The following ZNF605 variants were observed in gnomAD, a reference collection of about 807,000 sequenced individuals.
The protein encoded by ZNF605 is zinc finger protein 605.
In ZNF605, 9 loss-of-function variants were observed where a neutral mutation model predicts 7.9. The ratio of observed to expected loss-of-function variants is 1.14; its 90% CI spans 0.68 to 1.98. The LOEUF (loss-of-function observed/expected upper bound fraction) is 1.98. Among genes scored for constraint, ZNF605 ranks in the 30% most tolerant of loss-of-function variants. The probability of loss-of-function intolerance (pLI) is 0.00; values close to 1 mark genes in which losing one functional copy is unlikely to be tolerated. For synonymous variants in ZNF605, 255 were observed against 260.1 expected (o/e 0.98, Z 0.19); for missense variants, 673 against 762.4 (o/e 0.88, Z 1.38).
chr12:132,925,626 T>C lies in ZNF605; in HGVS notation c.1673A>G (p.Glu558Gly). The C allele has an allele frequency of 6.2e-7, 1 of 1,614,212 alleles. No individual in the cohort carries two copies. Among genetic ancestry groups the C allele is most frequent in the Non-Finnish European group, 8.5e-7 (1 of 1,180,042 alleles). ...ACAATCGCTGCATCCATAGGTTTTC[T>C]CTCCTGTGTGATTTCTTTGATGCTT... ...LIKHQRNHTG[E>G]KTYGCSDCAK... Residue 558 changes from glutamate (E) to glycine (G), a missense_variant, in exon 5 of 5, where the codon GAG (glutamate) becomes GGG (glycine). Physicochemically the swap from Glu to Gly is moderately conservative, Grantham distance 98. Transcript: ENST00000360187.
At chr12:132,940,811 G>A (rs1470296100) in intron 3 of ZNF605, among the ~76,000 whole-genome samples, 21 of 152,194 alleles carry the variant, frequency 1.4e-4, no homozygotes, top group African/African-American at 5.1e-4. Flanking sequence ...GGTTTACTGC[G>A]TAATGCTGAG....
Position 132,945,757 on chromosome 12 carries a change from T to C in ZNF605, c.-122A>G. 2 of 1,391,540 alleles carry C rather than the reference T, an allele frequency of 1.4e-6. No homozygotes were observed. Among genetic ancestry groups the C allele is most frequent in the South Asian group, 1.2e-5 (1 of 86,434 alleles). 86.2% of individuals were successfully genotyped at this position (1,391,540 alleles called of 1,614,324 possible). ...ATCCTTGGTCTTGTGGGCTCTTCTT[T>C]CTTATCTCACATGAATTGTCTTGTT... On this transcript the variant is annotated 5_prime_UTR_variant, in exon 3 of 5. Transcript: ENST00000360187.
chr12:132,939,627 A>G (rs1304974365), intron 3 of ZNF605, among the ~76,000 whole-genome samples: 39 of 152,198 alleles, frequency 2.6e-4, no homozygotes, highest in Middle Eastern at 6.8e-3. Flanking sequence ...AAAACAGGCC[A>G]CTCGGCTCTA....
chr12:132,942,564 C>T (rs1479147595), intron 3 of ZNF605, among the ~76,000 whole-genome samples: 2 of 152,224 alleles, frequency 1.3e-5, no homozygotes, highest in Admixed American at 6.5e-5. Context: ...AGAGGCCCGA[C>T]GATGGGAAGC....
chr12:132,937,334 G>C (rs1334235850), intron 3 of ZNF605, among the ~76,000 whole-genome samples: 1 of 143,140 alleles, frequency 7.0e-6, no homozygotes, highest in African/African-American at 2.6e-5. Flanking sequence ...ACTCCAGCCT[G>C]GGCGACAAGA....
At chr12:132,954,719 G>A in intron 1 of ZNF605, among the ~76,000 whole-genome samples, 1 of 151,654 alleles carries the variant, frequency 6.6e-6, no homozygotes, top group Non-Finnish European at 1.5e-5. Context: ...AGCATTCACT[G>A]ACATTCCCAC....
chr12:132,925,952 A>G lies in ZNF605; in HGVS notation c.1347T>C (p.Tyr449=). ...HHRTHTGEKP[Y]ECSECGKAFT... ...AGGCCTTCCCACACTCACTGCATTCATAAGGCTTCTCCCCAGTGTGTGTTC... is the reference window on the plus strand; with the variant it reads ...AGGCCTTCCCACACTCACTGCATTCGTAAGGCTTCTCCCCAGTGTGTGTTC... Residue 449 remains tyrosine (Y), a synonymous_variant, in exon 5 of 5, where the codon TAT becomes TAC. Transcript: ENST00000360187. The G allele has an allele frequency of 1.9e-6, 3 of 1,613,832 alleles. No homozygotes were observed. The highest frequency in any genetic ancestry group is 1.7e-6 in the Non-Finnish European group (2 of 1,179,916).
In ZNF605 at chr12:132,950,333, G is replaced by A. The variant is rs1220351311; in HGVS notation, c.-285-2063C>T. ...ATCCCTCTGCTCTCACATTCACACC[G>A]AAACTCTCACCCCACACACACTGAT... On this transcript the variant is annotated intron_variant, in intron 1 of 4. Coordinates refer to ENST00000360187, the MANE Select transcript of ZNF605 (RefSeq NM_183238.4). 6.6e-5 allele frequency among the ~76,000 whole-genome samples: 10 copies of A among 152,104 alleles called. No individual in the cohort carries two copies. The South Asian group carries it at 8.3e-4, about 13-fold the overall frequency.
chr12:132,950,587 CTG>C (rs1952548075), intron 1 of ZNF605, among the ~76,000 whole-genome samples: 1 of 151,642 alleles, frequency 6.6e-6, no homozygotes, highest in African/African-American at 2.4e-5. Context: ...TGCACACACA[CTG>C]ATGCACACGT....
At position 132,935,845 on chromosome 12, in the gene ZNF605, A is replaced by G. The variant is rs1408984417; in HGVS notation, c.16-2690T>C. On this transcript the variant is annotated intron_variant, in intron 3 of 4. Coordinates refer to ENST00000360187, the MANE Select transcript of ZNF605 (RefSeq NM_183238.4). ...GAGGCGGAGGTTGCAATGAGCAGAGATCGTACCACTGGACTCCAGCCTGGG... is the reference window on the plus strand; with the variant it reads ...GAGGCGGAGGTTGCAATGAGCAGAGGTCGTACCACTGGACTCCAGCCTGGG... 2.1e-5 allele frequency among the ~76,000 whole-genome samples: 3 copies of G among 143,480 alleles called. No individual in the cohort carries two copies. The East Asian group carries it at 6.1e-4, about 29-fold the overall frequency. The allele number at this position is 143,480 out of a possible 152,430, so 94.1% of individuals were successfully genotyped here. A position where few individuals can be genotyped will look rare whatever the true frequency, so the allele number is the denominator to read the frequency against.
Position 132,933,243 on chromosome 12 carries a change from C to T in ZNF605, c.16-88G>A, listed in dbSNP as rs1952324300. The T allele has an allele frequency of 6.9e-7, 1 of 1,440,694 alleles. No homozygotes were observed. Among genetic ancestry groups the T allele is most frequent in the Non-Finnish European group, 9.3e-7 (1 of 1,072,210 alleles). The allele number at this position is 1,440,694 out of a possible 1,614,324, so 89.2% of individuals were successfully genotyped here. ...CTTCTGTATTTGTGGTAGGTGGCCT[C>T]TAAGATGGCCCCAGTGACCTCTGAC... On this transcript the variant is annotated intron_variant, in intron 3 of 4. Transcript: ENST00000360187. This position sits in a 1 kb window ranked among gnomAD's most constrained non-coding sequence, Gnocchi z 4.4.
intron 3 of ZNF605, among the ~76,000 whole-genome samples, chr12:132,938,705 C>G (rs1952394250): frequency 6.6e-6 from 1 of 152,200 alleles, no homozygotes; most frequent in Non-Finnish European, 1.5e-5. Flanking sequence ...CCTTTCTGGG[C>G]TGGCCAAGGC....
intron 3 of ZNF605, among the ~76,000 whole-genome samples, chr12:132,943,561 A>C (rs1472468869): frequency 6.6e-6 from 1 of 151,878 alleles, no homozygotes; most frequent in Admixed American, 6.6e-5. Flanking sequence ...AGGCACCTGC[A>C]CTCCAGTCTC....
At chr12:132,951,466 A>G (rs1952565299) in intron 1 of ZNF605, among the ~76,000 whole-genome samples, 1 of 145,988 alleles carries the variant, frequency 6.8e-6, no homozygotes, top group Non-Finnish European at 1.5e-5. Context: ...ACACTCAGAC[A>G]TGCACGCAGA....
chr12:132,928,021 G>A (rs1952266107), intron 4 of ZNF605, among the ~76,000 whole-genome samples: 5 of 152,284 alleles, frequency 3.3e-5, no homozygotes, highest in Non-Finnish European at 7.4e-5. Context: ...TGAGATGAAA[G>A]AGCCTGGAGC....
At position 132,927,071 on chromosome 12, in the gene ZNF605, T is replaced by C. The variant is rs1030045627; in HGVS notation, c.228A>G (p.Gly76=). The change falls in exon 5 of 5, where the codon GGA becomes GGG. Residue 76 remains glycine, a synonymous_variant. Transcript: ENST00000360187. ...TGTTTATGCTTGAATTAAATATTTT[T>C]CCAAAAACATCATATTTATGGCCTC... ...MERGHKYDVF[G]KIFNSSINIV... is the part of the protein sequence containing the mutation. 4.5e-5 allele frequency: 72 copies of C among 1,602,032 alleles called. No homozygotes were observed. Among genetic ancestry groups the C allele is most frequent in the Middle Eastern group, 1.6e-4 (1 of 6,078 alleles).
At position 132,926,213 on chromosome 12, in the gene ZNF605, C is replaced by T. The variant is rs1952245520; in HGVS notation, c.1086G>A (p.Glu362=). The stretch of plus-strand genomic sequence containing the variant: ...CACATTCGTTGCATTCGTAGGGCTT[C>T]TCTCCTGTATGAATCCTCTGATGCC... ...LIRHQRIHTG[E]KPYECNECGE... Residue 362 remains glutamate (E), a synonymous_variant, in exon 5 of 5, where the codon GAG becomes GAA. Transcript: ENST00000360187. The T allele has an allele frequency of 6.2e-7, 1 of 1,614,156 alleles. No individual in the cohort carries two copies. Among genetic ancestry groups the T allele is most frequent in the Non-Finnish European group, 8.5e-7 (1 of 1,180,020 alleles).
intron 1 of ZNF605, among the ~76,000 whole-genome samples, chr12:132,952,377 C>G (rs1346188016): frequency 6.7e-6 from 1 of 149,046 alleles, no homozygotes; most frequent in Non-Finnish European, 1.5e-5. Context: ...GGAAGAATCA[C>G]TGGAACCCAG....
chr12:132,950,391 ACACT>A (rs1238492494), intron 1 of ZNF605, among the ~76,000 whole-genome samples: 2 of 152,170 alleles, frequency 1.3e-5, no homozygotes, highest in African/African-American at 4.8e-5. Context: ...ACATGCGCAC[ACACT>A]CACGGATGCA....
Sources: allele counts gnomAD v4.1 joint callset (sites outside exome capture counted in the v4.1 genomes callset), GRCh38; gene constraint gnomAD v4.1.1; non-coding constraint Gnocchi (gnomAD v3.1); transcripts MANE v1.5; gene names NCBI Gene and HGNC (gene_info 2026-07-23, HGNC 2026-07-21).